The following TNRC6C variants were observed in gnomAD, a reference collection of about 807,000 sequenced individuals.
TNRC6C encodes the protein trinucleotide repeat containing adaptor 6C.
A neutral mutation model predicts 153.7 loss-of-function variants in TNRC6C; 20 were observed. The ratio of observed to expected loss-of-function variants is 0.13; its 90% CI spans 0.09 to 0.19. The LOEUF (loss-of-function observed/expected upper bound fraction) is 0.19. TNRC6C is among the 10% of genes least tolerant of loss of function. The pLI, the probability that TNRC6C is intolerant of heterozygous loss-of-function variation, is 1.00. For missense variants in TNRC6C, 1,987 were observed against 2,172.0 expected (o/e 0.91, Z 1.69); for synonymous variants, 811 against 841.4 (o/e 0.96, Z 0.63).
upstream of TNRC6C, among the ~76,000 whole-genome samples, chr17:77,957,705 C>A (rs2070818632): frequency 6.6e-6 from 1 of 152,362 alleles, no homozygotes; most frequent in South Asian, 2.1e-4. Flanking sequence ...GGAGAAAATT[C>A]TTGGTTTCAA....
At chr17:78,038,761 AC>A (rs1390076029) in intron 2 of TNRC6C, among the ~76,000 whole-genome samples, 1 of 151,948 alleles carries the variant, frequency 6.6e-6, no homozygotes, top group African/African-American at 2.4e-5. Flanking sequence ...CTTTTCACTT[AC>A]CAAATTGTCA....
chr17:78,000,027 C>T (rs114950220), upstream of TNRC6C, among the ~76,000 whole-genome samples: 749 of 152,334 alleles, frequency 4.9e-3, 7 homozygotes, highest in African/African-American at 0.017. Flanking sequence ...CTGTCAAGCA[C>T]AGGTCTTCTT....
At chr17:78,050,044 TGGGGCC>T (rs771871575) in exon 3 of TNRC6C, 16 of 1,611,874 alleles carry the variant, frequency 9.9e-6, no homozygotes, top group Non-Finnish European at 1.3e-5. Context: ...TTCAGGAGCT[TGGGGCC>T]ACCCCAGCCG....
upstream of TNRC6C, among the ~76,000 whole-genome samples, chr17:78,002,120 A>G (rs995318036): frequency 2.6e-5 from 4 of 152,142 alleles, no homozygotes; most frequent in Non-Finnish European, 4.4e-5. Context: ...AACACTTTTC[A>G]AATCCAAGTT....
At chr17:78,050,143 A>G (rs749496691) in exon 3 of TNRC6C, 7 of 1,594,788 alleles carry the variant, frequency 4.4e-6, no homozygotes, top group African/African-American at 1.3e-5. Flanking sequence ...GAAAGGATCA[A>G]CAGGGTGGGA....
At chr17:78,082,124 G>A (rs1425835659) in intron 10 of TNRC6C, among the ~76,000 whole-genome samples, 1 of 150,580 alleles carries the variant, frequency 6.6e-6, no homozygotes, top group Non-Finnish European at 1.5e-5. Context: ...CTCTTTCTTT[G>A]TTCCCAGGCA....
intron 1 of TNRC6C, among the ~76,000 whole-genome samples, chr17:77,986,426 AAAGAAG>A (rs56405899): frequency 7.1e-6 from 1 of 141,040 alleles, no homozygotes; most frequent in Admixed American, 7.1e-5. Flanking sequence ...AAAAAAAAAA[AAAGAAG>A]AAGAAGAAAT....
intron 5 of TNRC6C, among the ~76,000 whole-genome samples, chr17:78,070,673 A>T (rs28540926): frequency 0.069 from 10,567 of 152,108 alleles, 430 homozygotes; most frequent in African/African-American, 0.1. Context: ...ATTGGAATAA[A>T]CCCCCTCATT....
exon 14 of TNRC6C, chr17:78,091,581 C>A (rs201277309): frequency 1.2e-4 from 185 of 1,575,346 alleles, no homozygotes; most frequent in Middle Eastern, 1.7e-4. Context: ...GCCGCTTCCC[C>A]CCTGGAGCAG....
At chr17:78,048,154 T>C (rs1598730797) in intron 2 of TNRC6C, among the ~76,000 whole-genome samples, 1 of 118,424 alleles carries the variant, frequency 8.4e-6, no homozygotes, top group South Asian at 2.3e-4. Context: ...GAGCTACAGA[T>C]TTTTTTTTTT....
chr17:77,970,557 C>T (rs2070932653), intron 1 of TNRC6C, among the ~76,000 whole-genome samples: 1 of 152,180 alleles, frequency 6.6e-6, no homozygotes, highest in Non-Finnish European at 1.5e-5. Context: ...GGTATAGAGT[C>T]ATATGGGTAT....
intron 3 of TNRC6C, among the ~76,000 whole-genome samples, chr17:78,058,164 A>G (rs2072696572): frequency 6.6e-6 from 1 of 152,210 alleles, no homozygotes; most frequent in Non-Finnish European, 1.5e-5. Context: ...AGGACCTGCT[A>G]CCTTGCGCTC....
At chr17:78,088,042 C>T (rs1490462635) in intron 13 of TNRC6C, among the ~76,000 whole-genome samples, 1 of 152,212 alleles carries the variant, frequency 6.6e-6, no homozygotes, top group African/African-American at 2.4e-5. Context: ...GAAAATACAT[C>T]TGTAAAGGGG....
At chr17:78,040,993 G>A (rs553296354) in intron 2 of TNRC6C, 1 of 152,216 alleles carries the variant, frequency 6.6e-6, no homozygotes, top group East Asian at 1.9e-4. Flanking sequence ...TCTACAGGAG[G>A]CGGCTCTCGC....
intron 1 of TNRC6C, among the ~76,000 whole-genome samples, chr17:77,984,228 A>G (rs1307087042): frequency 6.6e-6 from 1 of 152,078 alleles, no homozygotes; most frequent in African/African-American, 2.4e-5. Context: ...AGAGGAGAAA[A>G]GGGTCTTCCC....
chr17:78,089,733 C>CT (rs2073361440), intron 13 of TNRC6C, among the ~76,000 whole-genome samples: 2 of 152,270 alleles, frequency 1.3e-5, no homozygotes, highest in South Asian at 4.1e-4. Flanking sequence ...TTCACTTTCA[C>CT]TTTGAGTGGT....
chr17:78,044,978 C>A (rs2072376825), intron 2 of TNRC6C, among the ~76,000 whole-genome samples: 1 of 152,196 alleles, frequency 6.6e-6, no homozygotes, highest in East Asian at 1.9e-4. Context: ...CCTTTAACAG[C>A]CCTGTCTTTG....
intron 1 of TNRC6C, among the ~76,000 whole-genome samples, chr17:78,024,655 G>A (rs962674022): frequency 5.3e-5 from 8 of 151,894 alleles, no homozygotes; most frequent in African/African-American, 7.3e-5. Flanking sequence ...GTGAGCCACC[G>A]CGCCTGGCCT....
intron 1 of TNRC6C, among the ~76,000 whole-genome samples, chr17:78,016,562 T>C (rs965165062): frequency 1.3e-5 from 2 of 152,238 alleles, no homozygotes; most frequent in African/African-American, 4.8e-5. Context: ...GTTGGAGATA[T>C]GGGAACCAAA....
Sources: allele counts gnomAD v4.1 joint callset (sites outside exome capture counted in the v4.1 genomes callset), GRCh38; gene constraint gnomAD v4.1.1; transcripts MANE v1.5; gene names NCBI Gene and HGNC (gene_info 2026-07-23, HGNC 2026-07-21).